The following NTN1 variants were observed in gnomAD, a reference collection of about 807,000 sequenced individuals.
NTN1 encodes netrin 1, also known as netrin-1.
NTN1 carries 11 observed loss-of-function variants against 54.2 expected under a neutral mutation model. The ratio of observed to expected loss-of-function variants is 0.20; its 90% CI spans 0.13 to 0.34. NTN1 has a LOEUF of 0.34. NTN1 is among the 10% of genes least tolerant of loss of function. The pLI is 1.00. For synonymous variants in NTN1, 371 were observed against 382.0 expected, an observed-to-expected ratio of 0.97 and a Z score of 0.33; for missense variants, 740 against 893.1, an observed-to-expected ratio of 0.83 and a Z score of 2.18.
At chr17:9,201,623 A>G (rs1401281678) in intron 5 of NTN1, among the ~76,000 whole-genome samples, 1 of 152,174 alleles carries the variant, frequency 6.6e-6, no homozygotes, top group Admixed American at 6.5e-5. Flanking sequence ...TCCTTTGTCC[A>G]CCAGAATTGT....
intron 2 of NTN1, among the ~76,000 whole-genome samples, chr17:9,127,478 C>T (rs1027269393): frequency 2.6e-5 from 4 of 152,194 alleles, no homozygotes; most frequent in Non-Finnish European, 5.9e-5. Context: ...CGATGGCTGC[C>T]TGGTCCCTCT....
At chr17:9,202,653 TG>T (rs1904833924) in intron 5 of NTN1, among the ~76,000 whole-genome samples, 1 of 152,208 alleles carries the variant, frequency 6.6e-6, no homozygotes, top group Admixed American at 6.5e-5. Flanking sequence ...CATTATTCAT[TG>T]AAATGCCACA....
intron 2 of NTN1, among the ~76,000 whole-genome samples, chr17:9,100,468 TTG>T (rs1334085386): frequency 6.6e-6 from 1 of 151,610 alleles, no homozygotes; most frequent in African/African-American, 2.4e-5. Flanking sequence ...CAGCCAAATT[TTG>T]TCTTTTTTTT....
chr17:9,190,001 C>G (rs1019821436), intron 5 of NTN1, among the ~76,000 whole-genome samples: 1 of 152,148 alleles, frequency 6.6e-6, no homozygotes, highest in African/African-American at 2.4e-5. Context: ...ACCCAAAACC[C>G]CCACTGGCAA....
chr17:9,022,234 C>G (rs181652505), intron 1 of NTN1, 77 bp from the exon 2 acceptor site: 7 of 956,306 alleles, frequency 7.3e-6, no homozygotes, highest in South Asian at 1.0e-4. Context: ...CGTTCTCCCG[C>G]ATCTCCGCTC....
intron 5 of NTN1, among the ~76,000 whole-genome samples, chr17:9,215,267 AC>A (rs1905192893): frequency 2.8e-5 from 4 of 142,158 alleles, no homozygotes; most frequent in Non-Finnish European, 4.6e-5. Context: ...ACACACACAC[AC>A]ACACACACAC....
chr17:9,192,513 T>C (rs1904489560), intron 5 of NTN1, among the ~76,000 whole-genome samples: 1 of 152,152 alleles, frequency 6.6e-6, no homozygotes, highest in Non-Finnish European at 1.5e-5. Flanking sequence ...TGTCTGGAGA[T>C]ATTTTGGGTT....
At chr17:9,134,971 G>A (rs1050865112) in intron 2 of NTN1, among the ~76,000 whole-genome samples, 71 of 152,246 alleles carry the variant, frequency 4.7e-4, no homozygotes, top group African/African-American at 1.7e-3. Flanking sequence ...CTGAGTTCCA[G>A]ACCCAGGGGG....
the NTN1 span, among the ~76,000 whole-genome samples, chr17:9,004,103 C>T: frequency 6.6e-6 from 1 of 152,204 alleles, no homozygotes; most frequent in African/African-American, 2.4e-5. Context: ...AAATCAAACG[C>T]GCATCTAGAA....
intron 2 of NTN1, among the ~76,000 whole-genome samples, chr17:9,084,886 C>T (rs9893893): frequency 0.7 from 106,694 of 151,782 alleles, 37,782 homozygotes; most frequent in East Asian, 0.95. Flanking sequence ...CTCCTGACCT[C>T]GTGATCTGCC....
chr17:9,114,475 C>G (rs199893423), intron 2 of NTN1, among the ~76,000 whole-genome samples: 1 of 151,432 alleles, frequency 6.6e-6, no homozygotes, highest in Non-Finnish European at 1.5e-5. Flanking sequence ...ACATGGAGGC[C>G]GGGCACTGTG....
In NTN1 at chr17:9,212,765, C is replaced by T. The variant is rs1336767318; in HGVS notation, c.1412-8403C>T. Among the ~76,000 whole-genome samples the T allele has an allele frequency of 2.0e-5, 3 of 152,198 alleles. No homozygotes were observed. Among genetic ancestry groups the T allele is most frequent in the Non-Finnish European group, 4.4e-5 (3 of 68,034 alleles). On this transcript the variant is annotated intron_variant, in intron 5 of 6. Coordinates refer to ENST00000173229, the MANE Select transcript of NTN1 (RefSeq NM_004822.3). The surrounding 1 kb of genome is among the most constrained non-coding windows in gnomAD (Gnocchi z 5.5). ...ACCCCCTGCCCCACCTTCCCAAGCC[C>T]GACAGCCCAGAAGCAGAGCGGCAGA...
At chr17:9,003,433 C>T in the NTN1 span, among the ~76,000 whole-genome samples, 11 of 151,486 alleles carry the variant, frequency 7.3e-5, no homozygotes, top group South Asian at 2.1e-3. This position sits in a 1 kb window ranked among gnomAD's most constrained non-coding sequence, Gnocchi z 7.4. Flanking sequence ...GCGCACTTGG[C>T]GCGCTCTGGC....
intron 2 of NTN1, among the ~76,000 whole-genome samples, chr17:9,117,455 C>T (rs1288544667): frequency 6.6e-6 from 1 of 152,148 alleles, no homozygotes; most frequent in Non-Finnish European, 1.5e-5. Flanking sequence ...AAAGCATTAC[C>T]TCAAGAAGCT....
At chr17:9,222,886 G>A (rs1041365637) in intron 6 of NTN1, among the ~76,000 whole-genome samples, 2 of 152,152 alleles carry the variant, frequency 1.3e-5, no homozygotes, top group Non-Finnish European at 2.9e-5. Flanking sequence ...CGTTTATTGT[G>A]TGTGTGTGTG....
intron 2 of NTN1, among the ~76,000 whole-genome samples, chr17:9,038,206 G>A (rs887169393): frequency 3.0e-5 from 3 of 100,938 alleles, no homozygotes; most frequent in South Asian, 3.4e-4. Context: ...TGTGTCTATC[G>A]GACTCTCTCT....
the NTN1 span, among the ~76,000 whole-genome samples, chr17:9,011,427 T>C: frequency 7.2e-5 from 11 of 152,334 alleles, no homozygotes; most frequent in East Asian, 1.7e-3. Context: ...GATTTCCCTC[T>C]GCCTGTCTCT....
intron 2 of NTN1, among the ~76,000 whole-genome samples, chr17:9,118,000 G>A (rs572682700): frequency 2.3e-4 from 35 of 152,302 alleles, no homozygotes; most frequent in African/African-American, 7.0e-4. Flanking sequence ...GCTCAAGAGC[G>A]TAGCTCATGG....
chr17:9,194,798 G>A (rs1314320573), intron 5 of NTN1, among the ~76,000 whole-genome samples: 9 of 152,222 alleles, frequency 5.9e-5, no homozygotes, highest in African/African-American at 1.9e-4. Context: ...GACTCTTCTA[G>A]TGGGGGGACC....
Sources: allele counts gnomAD v4.1 joint callset (sites outside exome capture counted in the v4.1 genomes callset), GRCh38; gene constraint gnomAD v4.1.1; non-coding constraint Gnocchi (gnomAD v3.1); transcripts MANE v1.5; gene names NCBI Gene and HGNC (gene_info 2026-07-23, HGNC 2026-07-21).